SNTG1: variants seen among roughly 807,000 people sequenced by gnomAD.
SNTG1 encodes syntrophin gamma 1, also known as gamma-1-syntrophin.
In SNTG1, 39 loss-of-function variants were observed where a neutral mutation model predicts 74.7. The ratio of observed to expected loss-of-function variants is 0.52; its 90% CI spans 0.40 to 0.68. The LOEUF (loss-of-function observed/expected upper bound fraction) is 0.68, where lower values mean the gene tolerates loss of function less well. Ranked by LOEUF, SNTG1 falls within the 30% of genes least tolerant of loss-of-function variation. The pLI is 0.00. For synonymous variants in SNTG1, 254 were observed against 217.1 expected (o/e 1.17, Z -1.49); for missense variants, 685 against 609.5 (o/e 1.12, Z -1.30).
chr8:49,958,361 T>G (rs984427333), intron 1 of SNTG1, among the ~76,000 whole-genome samples: 1 of 151,952 alleles, frequency 6.6e-6, no homozygotes. Flanking sequence ...GATGAACAGC[T>G]AACAGGGGGC....
intron 1 of SNTG1, among the ~76,000 whole-genome samples, chr8:50,134,888 G>A (rs2131423697): frequency 6.6e-6 from 1 of 152,152 alleles, no homozygotes; most frequent in East Asian, 1.9e-4. Flanking sequence ...TTCTTCCAGT[G>A]GTTATAAAGT....
chr8:50,541,851 A>C (rs1416028463), intron 11 of SNTG1, among the ~76,000 whole-genome samples: 1 of 151,662 alleles, frequency 6.6e-6, no homozygotes, highest in Admixed American at 6.6e-5. Context: ...GTAATGAACA[A>C]TTTACTAGCT....
At chr8:50,726,406 G>A (rs979973348) in intron 17 of SNTG1, among the ~76,000 whole-genome samples, 4 of 152,174 alleles carry the variant, frequency 2.6e-5, no homozygotes, top group Admixed American at 6.5e-5. Context: ...TGAACTGGCC[G>A]AAGTTGGGGG....
chr8:50,052,319 T>C (rs544153277), intron 1 of SNTG1, among the ~76,000 whole-genome samples: 1 of 152,216 alleles, frequency 6.6e-6, no homozygotes, highest in African/African-American at 2.4e-5. Flanking sequence ...CCAAGACAAT[T>C]CATTAAGTAA....
chr8:50,039,479 A>C (rs1053246173), intron 1 of SNTG1, among the ~76,000 whole-genome samples: 1 of 150,308 alleles, frequency 6.7e-6, no homozygotes, highest in Admixed American at 6.6e-5. Context: ...AAAAAAAAAA[A>C]AAAACTCAAG....
At chr8:50,247,840 A>T (rs2086469318) in intron 2 of SNTG1, among the ~76,000 whole-genome samples, 1 of 152,018 alleles carries the variant, frequency 6.6e-6, no homozygotes, top group African/African-American at 2.4e-5. Flanking sequence ...GTTTTTCATA[A>T]TACTAATTTT....
chr8:50,383,192 C>T (rs2092517965), intron 2 of SNTG1, among the ~76,000 whole-genome samples: 1 of 152,140 alleles, frequency 6.6e-6, no homozygotes, highest in African/African-American at 2.4e-5. Context: ...CTTAAACCTA[C>T]TTTAGCTCCA....
chr8:50,224,937 G>A (rs1342234108), intron 2 of SNTG1, among the ~76,000 whole-genome samples: 1 of 152,038 alleles, frequency 6.6e-6, no homozygotes, highest in Non-Finnish European at 1.5e-5. Flanking sequence ...TCCTGATAAA[G>A]GAAAGAATTA....
intron 1 of SNTG1, among the ~76,000 whole-genome samples, chr8:49,939,835 GA>G (rs1382689900): frequency 2.0e-5 from 3 of 152,128 alleles, no homozygotes; most frequent in African/African-American, 7.2e-5. Flanking sequence ...GGGCTTCTTG[GA>G]AAGTCAGCAG....
At chr8:50,304,081 AG>A (rs1474110657) in intron 2 of SNTG1, among the ~76,000 whole-genome samples, 1 of 152,206 alleles carries the variant, frequency 6.6e-6, no homozygotes, top group African/African-American at 2.4e-5. Context: ...GATGGAATTA[AG>A]AGGTGGGGCC....
At chr8:49,953,003 C>G (rs1403265757) in intron 1 of SNTG1, among the ~76,000 whole-genome samples, 1 of 152,016 alleles carries the variant, frequency 6.6e-6, no homozygotes, top group Non-Finnish European at 1.5e-5. Context: ...TGCAGAGATG[C>G]AAATCAATAG....
At chr8:50,208,558 A>C (rs1250289983) in intron 2 of SNTG1, among the ~76,000 whole-genome samples, 3 of 152,186 alleles carry the variant, frequency 2.0e-5, no homozygotes, top group Admixed American at 2.0e-4. Context: ...TATCCCATTT[A>C]CATTTAAGGT....
intron 4 of SNTG1, among the ~76,000 whole-genome samples, chr8:50,404,830 C>T (rs2092851258): frequency 6.6e-6 from 1 of 152,046 alleles, no homozygotes; most frequent in Admixed American, 6.6e-5. Context: ...CTCTTAACCC[C>T]TGGTAACCAC....
rs189149599 is a variant in SNTG1, at chr8:49,916,342, A to G, written c.-103+4111A>G. Among the ~76,000 whole-genome samples, 526 of 152,288 alleles carry G rather than the reference A, an allele frequency of 3.5e-3. 3 individuals carry two copies. Among genetic ancestry groups the G allele is most frequent in the African/African-American group, 0.012 (503 of 41,568 alleles). Reference sequence around the variant, plus strand: ...TTTCACCGTGAAGTTTCTTCAGCACATTCTACACACTGAAAGAGTCAGAAA... The same window carrying G: ...TTTCACCGTGAAGTTTCTTCAGCACGTTCTACACACTGAAAGAGTCAGAAA... On this transcript the variant is annotated intron_variant, in intron 1 of 18. Transcript: ENST00000642720.
intron 1 of SNTG1, among the ~76,000 whole-genome samples, chr8:49,949,413 A>G (rs2129388747): frequency 6.6e-6 from 1 of 152,336 alleles, no homozygotes; most frequent in South Asian, 2.1e-4. Context: ...TGTTTTATCT[A>G]TAATTCACTG....
rs764655031 is a variant in SNTG1, at chr8:50,704,618, C to T, written c.1057C>T (p.Arg353Ter). Residue 353 changes from arginine to a stop codon, truncating the protein, a stop_gained, in exon 16 of 19, where the codon CGA (arginine) becomes TGA (stop). Transcript: ENST00000642720. LOFTEE classifies it high-confidence loss of function. Reference protein sequence around the residue: ...KILKDSDLLDRRKQCFTVQSE... With the variant: ...KILKDSDLLD ...TCACCAGGACAGTGACCTGCTGGAC[C>T]GACGGAAACAGTGCTTCACCGTGCA... The T allele has an allele frequency of 1.2e-6, 2 of 1,614,026 alleles. No homozygotes were observed. The highest frequency in any genetic ancestry group is 2.2e-5 in the East Asian group (1 of 44,868).
chr8:50,363,837 C>T (rs1381129791), intron 2 of SNTG1, among the ~76,000 whole-genome samples: 1 of 152,126 alleles, frequency 6.6e-6, no homozygotes, highest in Non-Finnish European at 1.5e-5. Flanking sequence ...GAATACTGGT[C>T]TACCCAAGGA....
chr8:50,459,407 A>G (rs2093539130), intron 8 of SNTG1, among the ~76,000 whole-genome samples: 2 of 152,310 alleles, frequency 1.3e-5, no homozygotes, highest in African/African-American at 4.8e-5. Context: ...TATTTGAATC[A>G]TCATAAGAGA....
intron 8 of SNTG1, among the ~76,000 whole-genome samples, chr8:50,451,894 G>C (rs913698631): frequency 2.6e-5 from 4 of 152,208 alleles, no homozygotes; most frequent in Admixed American, 2.6e-4. Context: ...CTATGGGAAA[G>C]AGTAGAGGAT....
Sources: allele counts gnomAD v4.1 joint callset (sites outside exome capture counted in the v4.1 genomes callset), GRCh38; gene constraint gnomAD v4.1.1; transcripts MANE v1.5; gene names NCBI Gene and HGNC (gene_info 2026-07-23, HGNC 2026-07-21).